The following PIP4K2B variants were observed in gnomAD, a reference collection of about 807,000 sequenced individuals.
PIP4K2B encodes phosphatidylinositol 5-phosphate 4-kinase type-2 beta.
A neutral mutation model predicts 42.0 loss-of-function variants in PIP4K2B; 3 were observed. That is an observed-to-expected ratio of 0.07 (90% confidence interval 0.03 to 0.18). The LOEUF (loss-of-function observed/expected upper bound fraction) is 0.18. Among genes scored for constraint, PIP4K2B ranks in the 10% least tolerant of loss-of-function variants. The probability of loss-of-function intolerance (pLI) is 1.00; values close to 1 mark genes in which losing one functional copy is unlikely to be tolerated. For synonymous variants in PIP4K2B, 204 were observed against 210.1 expected, an observed-to-expected ratio of 0.97 and a Z score of 0.25; for missense variants, 332 against 562.3, an observed-to-expected ratio of 0.59 and a Z score of 4.14.
Position 38,799,379 on chromosome 17 carries a change from G to A in PIP4K2B, c.46C>T (p.Leu16Phe). Residue 16 changes from leucine to phenylalanine, a missense_variant, in exon 1 of 10, where the codon CTC (leucine) becomes TTC (phenylalanine). Around this residue, in one of 6 missense-constraint regions of PIP4K2B, gnomAD observed 186 missense variants for 288.4 expected, o/e 0.64. Transcript: ENST00000619039. The surrounding 1 kb of genome is among the most constrained non-coding windows in gnomAD (Gnocchi z 4.4). ...TTGGTCTTGGTCTTGCTGGCGCTGA[G>A]CGGCGCCACCGCCACCGCCGTGGTG... is the stretch of plus-strand genomic sequence containing the variant. ...TSTTAVAVAP[L>F]SASKTKTKKK... is the part of the protein sequence containing the mutation. 6.2e-7 allele frequency: 1 copy of A among 1,606,950 alleles called. No homozygotes were observed. The highest frequency in any genetic ancestry group is 8.5e-7 in the Non-Finnish European group (1 of 1,177,902).
At chr17:38,769,976 C>T (rs1011781883) in intron 9 of PIP4K2B, among the ~76,000 whole-genome samples, 1 of 152,044 alleles carries the variant, frequency 6.6e-6, no homozygotes, top group African/African-American at 2.4e-5. Context: ...TGATTTATAA[C>T]CCCAGGCCTG....
rs146471309 is a variant in PIP4K2B, at chr17:38,779,106, C to T, written c.654+277G>A. ...GGCCTGATGGATGCTAAAGTGCATG[C>T]GTCAGCACGGCCTCCCTCACTGTGC... On this transcript the variant is annotated intron_variant, in intron 5 of 9. Coordinates refer to ENST00000619039, the MANE Select transcript of PIP4K2B (RefSeq NM_003559.5). Among the ~76,000 whole-genome samples, 536 of 152,326 alleles carry T rather than the reference C, an allele frequency of 3.5e-3. 5 individuals carry two copies. The highest frequency in any genetic ancestry group is 0.012 in the African/African-American group (518 of 41,568).
rs1327111376 is a variant in PIP4K2B at position 38,799,042 on chromosome 17, G to A, written c.159+224C>T. ...CGCAGGAAGCCAGAAGGGCTGGAGG[G>A]AAGGGGAGGTGGCGACGGCAGACCA... is the stretch of plus-strand genomic sequence containing the variant. On this transcript the variant is annotated intron_variant, in intron 1 of 9. Transcript: ENST00000619039. This position sits in a 1 kb window ranked among gnomAD's most constrained non-coding sequence, Gnocchi z 4.4. Among the ~76,000 whole-genome samples the A allele has an allele frequency of 6.6e-6, 1 of 152,238 alleles. No homozygotes were observed. The highest frequency in any genetic ancestry group is 1.5e-5 in the Non-Finnish European group (1 of 68,040).
At chr17:38,782,747 T>C (rs1259353200) in intron 3 of PIP4K2B, among the ~76,000 whole-genome samples, 1 of 152,168 alleles carries the variant, frequency 6.6e-6, no homozygotes, top group Non-Finnish European at 1.5e-5. Flanking sequence ...CCCCTTCTGC[T>C]GCTGTGAACT....
At position 38,767,187 on chromosome 17, in the gene PIP4K2B, G is replaced by A. The variant is rs1446337797; in HGVS notation, c.*2504C>T. On this transcript the variant is annotated 3_prime_UTR_variant, in exon 10 of 10. Coordinates refer to ENST00000619039, the MANE Select transcript of PIP4K2B (RefSeq NM_003559.5). ...CCAGTAAAAGAATGGCGGGACCCAAGGAGGAAAGAGTGGGGGCAGACAACG... is the reference window on the plus strand; with the variant it reads ...CCAGTAAAAGAATGGCGGGACCCAAAGAGGAAAGAGTGGGGGCAGACAACG... 2 of 152,220 alleles carry A rather than the reference G, an allele frequency of 1.3e-5. No homozygotes were observed. Among genetic ancestry groups the A allele is most frequent in the African/African-American group, 4.8e-5 (2 of 41,442 alleles). 9.4% of individuals were successfully genotyped at this position (152,220 alleles called of 1,614,324 possible).
intron 1 of PIP4K2B, among the ~76,000 whole-genome samples, chr17:38,793,346 T>C (rs1227998704): frequency 6.7e-6 from 1 of 149,466 alleles, no homozygotes; most frequent in Non-Finnish European, 1.5e-5. Flanking sequence ...CAGGTTCAAG[T>C]GATTCTCCTG....
At chr17:38,791,727 T>A (rs924484349) in intron 1 of PIP4K2B, among the ~76,000 whole-genome samples, 9 of 149,610 alleles carry the variant, frequency 6.0e-5, no homozygotes, top group Non-Finnish European at 1.3e-4. Context: ...AAATTTCTAT[T>A]CAATTTACTT....
At chr17:38,796,666 T>C (rs1468814819) in intron 1 of PIP4K2B, among the ~76,000 whole-genome samples, 1 of 152,162 alleles carries the variant, frequency 6.6e-6, no homozygotes, top group East Asian at 1.9e-4. Flanking sequence ...AAGTCCTCTC[T>C]TTTTCCACCT....
intron 1 of PIP4K2B, among the ~76,000 whole-genome samples, chr17:38,789,070 C>G (rs767976790): frequency 6.6e-6 from 1 of 152,282 alleles, no homozygotes; most frequent in East Asian, 1.9e-4. Flanking sequence ...AGTGAGCTGA[C>G]TGCACCACTG....
chr17:38,770,961 A>G, intron 8 of PIP4K2B, 53 bp downstream of exon 8: 1 of 1,599,848 alleles, frequency 6.3e-7, no homozygotes, highest in Non-Finnish European at 8.6e-7. Context: ...CAATGAGCTG[A>G]GGGGGTAGGA....
chr17:38,770,879 T>C (rs1023784196), intron 8 of PIP4K2B, 135 bp downstream of exon 8: 14 of 989,398 alleles, frequency 1.4e-5, no homozygotes, highest in Non-Finnish European at 2.1e-5. Context: ...TGGATGGGAA[T>C]CTGGAGGCAG....
intron 1 of PIP4K2B, among the ~76,000 whole-genome samples, chr17:38,788,107 G>A (rs1369286207): frequency 1.3e-5 from 2 of 152,188 alleles, no homozygotes; most frequent in East Asian, 3.9e-4. Flanking sequence ...CAAGAAATTA[G>A]CTCAAGGAAG....
intron 7 of PIP4K2B, among the ~76,000 whole-genome samples, chr17:38,776,261 C>T (rs1909337411): frequency 1.3e-5 from 2 of 152,056 alleles, no homozygotes; most frequent in Non-Finnish European, 2.9e-5. Context: ...TGAGCCACCT[C>T]GCTTGGCTGT....
rs1910846138 is a variant in PIP4K2B, at chr17:38,799,498, C to T, written c.-74G>A. 7.2e-7 allele frequency: 1 copy of T among 1,393,030 alleles called. No individual in the cohort carries two copies. Among genetic ancestry groups the T allele is most frequent in the Non-Finnish European group, 9.3e-7 (1 of 1,080,836 alleles). The allele number at this position is 1,393,030 out of a possible 1,614,324, so 86.3% of individuals were successfully genotyped here. On this transcript the variant is annotated 5_prime_UTR_variant, in exon 1 of 10. Transcript: ENST00000619039. This position sits in a 1 kb window ranked among gnomAD's most constrained non-coding sequence, Gnocchi z 4.4. ...CGCACAAGCCAGCGGCCTCAGGCCT[C>T]CCCCGGACCGATCCCCACCCCCGCT...
In PIP4K2B at chr17:38,768,291, C is replaced by A. The variant is rs999316216; in HGVS notation, c.*1400G>T. On this transcript the variant is annotated 3_prime_UTR_variant, in exon 10 of 10. Transcript: ENST00000619039. ...GGCCAGAGCAGCCTGTGGCTCAGTT[C>A]TGAGGGCCTGGGTGGCAGGCTCCGA... 6.6e-6 allele frequency: 1 copy of A among 152,376 alleles called. No individual in the cohort carries two copies. Among genetic ancestry groups the A allele is most frequent in the African/African-American group, 2.4e-5 (1 of 41,470 alleles). 9.4% of individuals were successfully genotyped at this position (152,376 alleles called of 1,614,324 possible).
At chr17:38,785,405 CTCCTGCCT>C (rs1909951710) in intron 2 of PIP4K2B, among the ~76,000 whole-genome samples, 1 of 152,216 alleles carries the variant, frequency 6.6e-6, no homozygotes, top group African/African-American at 2.4e-5. Flanking sequence ...GGCAAGGTGG[CTCCTGCCT>C]GTAATCCCAG....
intron 9 of PIP4K2B, 91 bp downstream of exon 9, chr17:38,770,345 A>C (rs1340876403): frequency 2.7e-6 from 2 of 749,262 alleles, no homozygotes; most frequent in Admixed American, 3.9e-5. Context: ...TCCTTGGAGC[A>C]GGAGGCCTGA....
chr17:38,781,116 C>T (rs959490802), intron 3 of PIP4K2B, among the ~76,000 whole-genome samples: 7 of 152,114 alleles, frequency 4.6e-5, no homozygotes, highest in African/African-American at 1.2e-4. Flanking sequence ...AATGCCCATT[C>T]GTCTCTTGTC....
chr17:38,788,656 A>G (rs943023188), intron 1 of PIP4K2B, among the ~76,000 whole-genome samples: 13 of 152,034 alleles, frequency 8.6e-5, no homozygotes, highest in African/African-American at 3.1e-4. Context: ...CAGGAGTTCT[A>G]TACCACCCTG....
Sources: allele counts gnomAD v4.1 joint callset (sites outside exome capture counted in the v4.1 genomes callset), GRCh38; gene constraint gnomAD v4.1.1; regional missense constraint gnomAD v4.1.1; non-coding constraint Gnocchi (gnomAD v3.1); transcripts MANE v1.5; gene names NCBI Gene and HGNC (gene_info 2026-07-23, HGNC 2026-07-21).